Variants in SLC35E3 observed in about 807,000 individuals in gnomAD.
SLC35E3 encodes the protein solute carrier family 35 member E3.
In SLC35E3, 28 loss-of-function variants were observed where a neutral mutation model predicts 30.8. The ratio of observed to expected loss-of-function variants is 0.91; its 90% CI spans 0.67 to 1.25. The LOEUF (loss-of-function observed/expected upper bound fraction) is 1.25. Among genes scored for constraint, SLC35E3 ranks in the 50% most tolerant of loss-of-function variants. The pLI is 0.00. For synonymous variants in SLC35E3, 146 were observed against 149.2 expected (o/e 0.98, Z 0.16); for missense variants, 365 against 375.4 (o/e 0.97, Z 0.23).
chr12:68,749,683 A>G (rs1402627662), intron 2 of SLC35E3, among the ~76,000 whole-genome samples: 1 of 152,206 alleles, frequency 6.6e-6, no homozygotes, highest in Non-Finnish European at 1.5e-5. Context: ...AAAGTTAACA[A>G]TTTAAATTGA....
rs1329953311 is a variant in SLC35E3, at chr12:68,780,152, A to G, written c.*15262A>G. ...TTATTTTTAAATCTTAACAATTTCT[A>G]AAATCACACTTTTTAATTTATTTTG... On this transcript the variant is annotated 3_prime_UTR_variant, in exon 5 of 5. Coordinates refer to ENST00000398004, the MANE Select transcript of SLC35E3 (RefSeq NM_018656.5). 4 of 152,096 alleles carry G rather than the reference A, an allele frequency of 2.6e-5. No homozygotes were observed. Among genetic ancestry groups the G allele is most frequent in the African/African-American group, 9.7e-5 (4 of 41,420 alleles). The allele number at this position is 152,096 out of a possible 1,614,324, so 9.4% of individuals were successfully genotyped here.
At position 68,746,328 on chromosome 12, in the gene SLC35E3, C is replaced by T; in HGVS notation, c.-50C>T. ...GGTGGAGTAGAAGGGCAGCCGGAGA[C>T]AGGCCCGGCGCCCCTTCCGAGGCTA... On this transcript the variant is annotated 5_prime_UTR_variant, in exon 1 of 5. Transcript: ENST00000398004. 2 of 1,517,108 alleles carry T rather than the reference C, an allele frequency of 1.3e-6. No homozygotes were observed. The highest frequency in any genetic ancestry group is 1.8e-6 in the Non-Finnish European group (2 of 1,136,640). 94.0% of individuals were successfully genotyped at this position (1,517,108 alleles called of 1,614,324 possible).
In SLC35E3 at chr12:68,769,146, G is replaced by T. The variant is rs113672648; in HGVS notation, c.*4256G>T. ...AGTCCCAGCTACTTGGGAGGCTGAG[G>T]CAGGAGAATGGCTTGAACCCGGGAG... On this transcript the variant is annotated 3_prime_UTR_variant, in exon 5 of 5. Coordinates refer to ENST00000398004, the MANE Select transcript of SLC35E3 (RefSeq NM_018656.5). The T allele has an allele frequency of 0.2, 30,836 of 151,958 alleles. 3,840 individuals are homozygous for T. The highest frequency in any genetic ancestry group is 0.38 in the South Asian group (1,806 of 4,784). The allele number at this position is 151,958 out of a possible 1,614,324, so 9.4% of individuals were successfully genotyped here.
rs1879346378 is a variant in SLC35E3 at position 68,765,086 on chromosome 12, G to A, written c.*196G>A. On this transcript the variant is annotated 3_prime_UTR_variant, in exon 5 of 5. Transcript: ENST00000398004. ...AGCCTGACCAACATGGAGAAACCCT[G>A]TCTCAACTAATAATACAAAATTAGC... 9.5e-6 allele frequency: 4 copies of A among 419,498 alleles called. No homozygotes were observed. The highest frequency in any genetic ancestry group is 1.3e-5 in the Non-Finnish European group (3 of 231,646). The allele number at this position is 419,498 out of a possible 1,614,324, so 26.0% of individuals were successfully genotyped here. A position where few individuals can be genotyped will look rare whatever the true frequency, so the allele number is the denominator to read the frequency against.
rs201254265 is a variant in SLC35E3 at position 68,752,395 on chromosome 12, GC to G, written c.672+206del. The stretch of plus-strand genomic sequence containing the variant: ...GGTGAAGGGACTTGCCTAGAGTGAG[GC>G]AGCTACTCAGTGGCAAAAGCAGAAC... On this transcript the variant is annotated intron_variant, in intron 3 of 4. Coordinates refer to ENST00000398004, the MANE Select transcript of SLC35E3 (RefSeq NM_018656.5). Among the ~76,000 whole-genome samples the G allele has an allele frequency of 4.2e-3, 642 of 152,286 alleles. 17 individuals are homozygous for G. Among genetic ancestry groups the G allele is most frequent in the Admixed American group, 0.038 (575 of 15,290 alleles).
chr12:68,747,964 AT>A lies in SLC35E3; in HGVS notation c.439del (p.Tyr147ThrfsTer3). ...ACTTTAGGTGTAATCCTAAATTCTT[AT>A]TACGATGTGAAGTTTAATTTCCTTG... ...PITLGVILNS[Y>X]YDVKFNFLGM... is the part of the protein sequence containing the mutation. On this transcript the variant is annotated frameshift_variant, in exon 2 of 5. Transcript: ENST00000398004. LOFTEE classifies it high-confidence loss of function. 3.7e-6 allele frequency: 6 copies of A among 1,607,052 alleles called. No homozygotes were observed. Among genetic ancestry groups the A allele is most frequent in the Non-Finnish European group, 5.1e-6 (6 of 1,174,100 alleles).
intron 3 of SLC35E3, among the ~76,000 whole-genome samples, chr12:68,756,257 C>G (rs546133618): frequency 6.8e-6 from 1 of 147,996 alleles, no homozygotes; most frequent in East Asian, 2.0e-4. Context: ...TTTTTCGTAG[C>G]CTTCTAACAG....
intron 3 of SLC35E3, among the ~76,000 whole-genome samples, chr12:68,754,663 A>T (rs1235639389): frequency 6.6e-6 from 1 of 152,166 alleles, no homozygotes; most frequent in Non-Finnish European, 1.5e-5. Flanking sequence ...TGTGATAAAC[A>T]TCCTTGTACA....
chr12:68,768,243 T>G lies in SLC35E3; in HGVS notation c.*3353T>G, dbSNP rs1249622446. 2 of 151,700 alleles carry G rather than the reference T, an allele frequency of 1.3e-5. No homozygotes were observed. Among genetic ancestry groups the G allele is most frequent in the Non-Finnish European group, 2.9e-5 (2 of 67,962 alleles). The allele number at this position is 151,700 out of a possible 1,614,324, so 9.4% of individuals were successfully genotyped here. A position where few individuals can be genotyped will look rare whatever the true frequency, so the allele number is the denominator to read the frequency against. On this transcript the variant is annotated 3_prime_UTR_variant, in exon 5 of 5. Coordinates refer to ENST00000398004, the MANE Select transcript of SLC35E3 (RefSeq NM_018656.5). ...GTCGGAGGTTGCAGTGAGCCGAGAC[T>G]GCGCCATTGCACACCAGCCTGGGTG...
intron 3 of SLC35E3, among the ~76,000 whole-genome samples, chr12:68,753,809 T>TACAGAC (rs1555181506): frequency 6.7e-6 from 1 of 148,484 alleles, no homozygotes; most frequent in Non-Finnish European, 1.5e-5. Flanking sequence ...TATATATCCA[T>TACAGAC]ACACACACAC....
Position 68,758,835 on chromosome 12 carries a change from A to G in SLC35E3, c.673-322A>G, listed in dbSNP as rs1258116338. Among the ~76,000 whole-genome samples the G allele has an allele frequency of 5.3e-5, 7 of 131,560 alleles. No homozygotes were observed. The Admixed American group carries it at 6.5e-4, about 12-fold the overall frequency. The allele number at this position is 131,560 out of a possible 152,430, so 86.3% of individuals were successfully genotyped here. The stretch of plus-strand genomic sequence containing the variant: ...CGGCTCACTGCAAGCTCCACCTTCC[A>G]GGTTCATGCCATTCTCCTGCCTCAG... On this transcript the variant is annotated intron_variant, in intron 3 of 4. Coordinates refer to ENST00000398004, the MANE Select transcript of SLC35E3 (RefSeq NM_018656.5).
intron 2 of SLC35E3, among the ~76,000 whole-genome samples, chr12:68,749,091 T>C (rs763986732): frequency 6.6e-6 from 1 of 152,244 alleles, no homozygotes; most frequent in Non-Finnish European, 1.5e-5. Flanking sequence ...ACAGAGCAAG[T>C]AATTGTACTC....
chr12:68,757,536 T>C (rs1000135395), intron 3 of SLC35E3, among the ~76,000 whole-genome samples: 2 of 152,198 alleles, frequency 1.3e-5, no homozygotes, highest in South Asian at 2.1e-4. Context: ...AGCCAAGTTA[T>C]CTATAAAAAG....
intron 2 of SLC35E3, among the ~76,000 whole-genome samples, chr12:68,749,813 C>A (rs1421181584): frequency 1.3e-5 from 2 of 152,104 alleles, no homozygotes; most frequent in Non-Finnish European, 2.9e-5. Context: ...GCAGTAGGTG[C>A]ATTGTGAGAA....
chr12:68,761,767 T>C (rs1230639689), intron 4 of SLC35E3, among the ~76,000 whole-genome samples: 11 of 152,114 alleles, frequency 7.2e-5, no homozygotes, highest in Admixed American at 7.2e-4. Context: ...AGTGATTGGA[T>C]TCTGGAAATA....
intron 4 of SLC35E3, 62 bp from the exon 5 acceptor site, chr12:68,764,642 T>A: frequency 1.3e-6 from 2 of 1,500,288 alleles, no homozygotes; most frequent in Admixed American, 1.8e-5. Context: ...GCAGTGCGAG[T>A]GTGTGTGTAA....
rs757854325 is a variant in SLC35E3, at chr12:68,746,399, G to C, written c.22G>C (p.Val8Leu). The C allele has an allele frequency of 1.9e-5, 31 of 1,602,680 alleles. No individual in the cohort carries two copies. The highest frequency in any genetic ancestry group is 2.7e-5 in the African/African-American group (2 of 74,840). MALLVDR[V>L]RGHWRIAAGL... ...GATCATGGCATTGCTGGTGGACCGA[G>C]TGCGGGGCCACTGGCGAATCGCCGC... The change falls in exon 1 of 5, where the codon GTG (valine) becomes CTG (leucine). Residue 8 changes from valine to leucine, a missense_variant. Physicochemically the swap from Val to Leu is conservative, Grantham distance 32. Coordinates refer to ENST00000398004, the MANE Select transcript of SLC35E3 (RefSeq NM_018656.5).
At chr12:68,759,291 CT>C (rs1565716157) in intron 4 of SLC35E3, 52 bp downstream of exon 4, 7 of 1,312,448 alleles carry the variant, frequency 5.3e-6, no homozygotes, top group Non-Finnish European at 7.7e-6. Context: ...TTTTCCAAAA[CT>C]TTTACATTCA....
rs1437331018 is a variant in SLC35E3, at chr12:68,746,521, G to A, written c.144G>A (p.Leu48=). The A allele has an allele frequency of 6.2e-7, 1 of 1,614,230 alleles. No individual in the cohort carries two copies. The change falls in exon 1 of 5, where the codon CTG becomes CTA. Residue 48 remains leucine, a synonymous_variant. Transcript: ENST00000398004. Reference sequence around the variant, plus strand: ...GCTTCCCCAACATGAGCCTGACCCTGGTGCACTTCGTGGTCACCTGGCTGG... The same window carrying A: ...GCTTCCCCAACATGAGCCTGACCCTAGTGCACTTCGTGGTCACCTGGCTGG... The part of the protein sequence containing the change: ...YHGFPNMSLT[L]VHFVVTWLGL...
Sources: gnomAD v4.1 joint callset for allele counts (sites outside exome capture counted in the v4.1 genomes callset) on GRCh38, gnomAD v4.1.1 for gene constraint, MANE v1.5 for transcripts, NCBI Gene and HGNC (gene_info 2026-07-23, HGNC 2026-07-21) for gene names.